MGAT4C: variants seen among roughly 807,000 people sequenced by gnomAD.
The protein encoded by MGAT4C is alpha-1,3-mannosyl-glycoprotein 4-beta-N-acetylglucosaminyltransferase C.
A neutral mutation model predicts 40.1 loss-of-function variants in MGAT4C; 19 were observed. That is an observed-to-expected ratio of 0.47 (90% CI 0.33 to 0.70). MGAT4C has a LOEUF of 0.70. Among genes scored for constraint, MGAT4C ranks in the 30% least tolerant of loss-of-function variants. MGAT4C has a pLI of 0.02. For missense variants in MGAT4C, 491 were observed against 563.2 expected, an observed-to-expected ratio of 0.87 and a Z score of 1.30; for synonymous variants, 181 against 187.1, an observed-to-expected ratio of 0.97 and a Z score of 0.27.
intron 2 of MGAT4C, among the ~76,000 whole-genome samples, chr12:85,993,016 G>A (rs969829613): frequency 6.6e-6 from 1 of 152,148 alleles, no homozygotes; most frequent in African/African-American, 2.4e-5. Flanking sequence ...AAAAATCTTC[G>A]TTTTAGGCAG....
At chr12:86,281,517 T>C (rs1175558186) in intron 4 of MGAT4C, among the ~76,000 whole-genome samples, 1 of 152,074 alleles carries the variant, frequency 6.6e-6, no homozygotes, top group African/African-American at 2.4e-5. Context: ...GTTTTATAAA[T>C]AATTATTGGA....
chr12:86,541,707 T>A (rs1959168487), intron 2 of MGAT4C, among the ~76,000 whole-genome samples: 1 of 152,242 alleles, frequency 6.6e-6, no homozygotes, highest in African/African-American at 2.4e-5. Flanking sequence ...TTACAAATGA[T>A]AGGAACTTAA....
intron 1 of MGAT4C, among the ~76,000 whole-genome samples, chr12:86,740,728 A>G (rs1951056832): frequency 1.3e-5 from 2 of 151,242 alleles, no homozygotes; most frequent in African/African-American, 2.4e-5. Context: ...TAAAATAAAT[A>G]TCGGTCTGGT....
chr12:86,764,265 C>T (rs2136156729), intron 1 of MGAT4C, among the ~76,000 whole-genome samples: 1 of 152,230 alleles, frequency 6.6e-6, no homozygotes. Flanking sequence ...TGATTGCTAG[C>T]ACAGCAGTCT....
chr12:86,615,356 T>G (rs2136480732), intron 2 of MGAT4C, among the ~76,000 whole-genome samples: 1 of 152,172 alleles, frequency 6.6e-6, no homozygotes, highest in Middle Eastern at 3.4e-3. Context: ...TGGAGGGTGC[T>G]TAAGAAGACA....
At chr12:86,093,556 C>T (rs1873293128) in intron 1 of MGAT4C, among the ~76,000 whole-genome samples, 1 of 152,026 alleles carries the variant, frequency 6.6e-6, no homozygotes, top group African/African-American at 2.4e-5. Context: ...TGGTGAAACC[C>T]TGTCTCTACC....
intron 2 of MGAT4C, among the ~76,000 whole-genome samples, chr12:86,681,654 TATC>T (rs1460309547): frequency 6.6e-6 from 1 of 151,968 alleles, no homozygotes; most frequent in Non-Finnish European, 1.5e-5. Flanking sequence ...AATTAGCAAT[TATC>T]ATGTAGTTTT....
intron 1 of MGAT4C, among the ~76,000 whole-genome samples, chr12:86,199,871 ATTAATG>A (rs1949974139): frequency 1.3e-5 from 2 of 152,166 alleles, no homozygotes; most frequent in Non-Finnish European, 2.9e-5. Flanking sequence ...ATGTTTATAA[ATTAATG>A]TTAATATTTA....
intron 3 of MGAT4C, among the ~76,000 whole-genome samples, chr12:86,409,575 A>T (rs1207756497): frequency 2.0e-5 from 3 of 152,194 alleles, no homozygotes; most frequent in African/African-American, 7.2e-5. Flanking sequence ...CAAGGACTTC[A>T]GCCCAGCAAC....
chr12:86,100,300 TG>T (rs1874738706), intron 1 of MGAT4C, among the ~76,000 whole-genome samples: 1 of 151,502 alleles, frequency 6.6e-6, no homozygotes, highest in South Asian at 2.1e-4. Flanking sequence ...TCATTTTGTT[TG>T]ATTGACCAAG....
chr12:86,040,492 C>T (rs1013328768), intron 2 of MGAT4C, among the ~76,000 whole-genome samples: 2 of 152,188 alleles, frequency 1.3e-5, no homozygotes, highest in African/African-American at 4.8e-5. Flanking sequence ...CTGTGGTGGG[C>T]TCTGCCCAGT....
chr12:86,346,802 G>T (rs541619669), intron 3 of MGAT4C, among the ~76,000 whole-genome samples: 3 of 152,098 alleles, frequency 2.0e-5, no homozygotes, highest in African/African-American at 4.8e-5. Flanking sequence ...TAGGCAGACC[G>T]ATCCTCAATC....
At chr12:86,036,744 C>T (rs1183309182) in intron 2 of MGAT4C, among the ~76,000 whole-genome samples, 1 of 149,818 alleles carries the variant, frequency 6.7e-6, no homozygotes, top group African/African-American at 2.4e-5. Flanking sequence ...GGATATTGGC[C>T]TGGAATTGTC....
chr12:86,833,801 TG>T (rs745717658), intron 1 of MGAT4C, among the ~76,000 whole-genome samples: 19 of 151,868 alleles, frequency 1.3e-4, no homozygotes, highest in Non-Finnish European at 2.5e-4. Context: ...GTTAGCAGCC[TG>T]TGTTCTGGAA....
intron 1 of MGAT4C, among the ~76,000 whole-genome samples, chr12:86,798,193 T>C (rs762936929): frequency 1.5e-4 from 23 of 151,952 alleles, no homozygotes; most frequent in Middle Eastern, 3.2e-3. Context: ...GAAACCAGCC[T>C]TGTTCACGTT....
chr12:86,379,217 C>T (rs1955885136), intron 3 of MGAT4C, among the ~76,000 whole-genome samples: 1 of 151,834 alleles, frequency 6.6e-6, no homozygotes, highest in Non-Finnish European at 1.5e-5. Context: ...TAGAACAATG[C>T]CTAGTTGAGA....
intron 3 of MGAT4C, among the ~76,000 whole-genome samples, chr12:86,377,130 C>T (rs1290072751): frequency 3.3e-5 from 5 of 150,830 alleles, no homozygotes; most frequent in South Asian, 2.1e-4. Context: ...GCACGATCTC[C>T]GCTCACTGCA....
intron 3 of MGAT4C, among the ~76,000 whole-genome samples, chr12:86,364,811 G>T (rs1482071653): frequency 1.3e-5 from 2 of 152,250 alleles, no homozygotes; most frequent in East Asian, 3.9e-4. Flanking sequence ...TATGAATAGG[G>T]TGTGGGTCAC....
intron 2 of MGAT4C, among the ~76,000 whole-genome samples, chr12:85,995,350 C>T (rs1886486137): frequency 2.0e-5 from 3 of 152,306 alleles, no homozygotes; most frequent in Non-Finnish European, 4.4e-5. Context: ...AGAAGAGAGA[C>T]TCAGAATTCT....
Sources: gnomAD v4.1 joint callset for allele counts (sites outside exome capture counted in the v4.1 genomes callset) on GRCh38, gnomAD v4.1.1 for gene constraint, MANE v1.5 for transcripts, NCBI Gene and HGNC (gene_info 2026-07-23, HGNC 2026-07-21) for gene names.